The following AGT variants were observed in gnomAD, a reference collection of about 807,000 sequenced individuals.
AGT encodes the protein angiotensinogen, also known as alpha-1 antiproteinase, antitrypsin.
In AGT, 26 loss-of-function variants were observed where a neutral mutation model predicts 28.1. The observed-to-expected ratio is 0.92, with a 90% CI of 0.68 to 1.28. The LOEUF (loss-of-function observed/expected upper bound fraction) is 1.28, where lower values mean the gene tolerates loss of function less well. Ranked by LOEUF, AGT falls within the 50% of genes most tolerant of loss-of-function variation. AGT has a pLI of 0.00. For missense variants in AGT, 596 were observed against 592.3 expected (o/e 1.01, Z -0.06); for synonymous variants, 259 against 259.6 (o/e 1.00, Z 0.02).
At chr1:230,740,823 C>G (rs997380507) in intron 1 of AGT, among the ~76,000 whole-genome samples, 7 of 152,140 alleles carry the variant, frequency 4.6e-5, no homozygotes, top group Non-Finnish European at 1.0e-4. Context: ...GTGGCACACG[C>G]CTGTAGTCCT....
intron 1 of AGT, among the ~76,000 whole-genome samples, chr1:230,743,041 A>T (rs1230459373): frequency 1.3e-5 from 2 of 152,090 alleles, no homozygotes; most frequent in Non-Finnish European, 2.9e-5. Context: ...CCCAGGCTGG[A>T]GTGCCGTGGC....
At chr1:230,706,562 GAC>G (rs1258049021) in intron 2 of AGT, among the ~76,000 whole-genome samples, 3 of 152,188 alleles carry the variant, frequency 2.0e-5, no homozygotes, top group Admixed American at 6.5e-5. Flanking sequence ...GCTGTGGTTT[GAC>G]ACACTCACTT....
chr1:230,712,915 C>T (rs1244970869), intron 1 of AGT, among the ~76,000 whole-genome samples: 1 of 152,186 alleles, frequency 6.6e-6, no homozygotes, highest in Non-Finnish European at 1.5e-5. Flanking sequence ...CCTTCTATGT[C>T]TCCCTACTTC....
intron 1 of AGT, among the ~76,000 whole-genome samples, chr1:230,734,239 C>T (rs7553959): frequency 0.086 from 13,123 of 152,236 alleles, 892 homozygotes; most frequent in East Asian, 0.35. Flanking sequence ...ACATATGCTA[C>T]ATCATGGATG....
chr1:230,722,397 T>G (rs1173403599), intron 1 of AGT, among the ~76,000 whole-genome samples: 3 of 152,244 alleles, frequency 2.0e-5, no homozygotes, highest in Non-Finnish European at 4.4e-5. Flanking sequence ...CACACAGAGT[T>G]GCCATTGGGG....
chr1:230,723,155 C>T (rs1396628908), intron 1 of AGT, among the ~76,000 whole-genome samples: 1 of 152,152 alleles, frequency 6.6e-6, no homozygotes, highest in African/African-American at 2.4e-5. Context: ...CTCCTTCACA[C>T]ACACTTTTCT....
intron 1 of AGT, among the ~76,000 whole-genome samples, chr1:230,742,112 A>T (rs1178066841): frequency 1.3e-5 from 2 of 152,176 alleles, no homozygotes; most frequent in Non-Finnish European, 2.9e-5. Context: ...AAGCTAAAAA[A>T]ATATAAAAGG....
At chr1:230,722,674 C>T (rs1346464952) in intron 1 of AGT, among the ~76,000 whole-genome samples, 1 of 152,226 alleles carries the variant, frequency 6.6e-6, no homozygotes, top group Admixed American at 6.5e-5. Flanking sequence ...TGAATGACTG[C>T]TCCACTGAAT....
chr1:230,731,802 G>C (rs929380516), intron 1 of AGT, among the ~76,000 whole-genome samples: 1 of 152,104 alleles, frequency 6.6e-6, no homozygotes, highest in Non-Finnish European at 1.5e-5. Flanking sequence ...GGGAGGCGGA[G>C]GTTGCAACGA....
chr1:230,710,469 C>G lies in AGT; in HGVS notation c.355G>C (p.Val119Leu), dbSNP rs777960151. 1.2e-6 allele frequency: 2 copies of G among 1,614,082 alleles called. No homozygotes were observed. Among genetic ancestry groups the G allele is most frequent in the Non-Finnish European group, 1.7e-6 (2 of 1,180,042 alleles). Residue 119 changes from valine (V) to leucine (L), a missense_variant, in exon 2 of 5, where the codon GTC becomes CTC. Val to Leu is a conservative substitution (Grantham distance 32). Coordinates refer to ENST00000366667, the MANE Select transcript of AGT (RefSeq NM_001384479.1). Reference protein sequence around the residue: ...YGMHSELWGVVHGATVLSPTA... With the variant: ...YGMHSELWGVLHGATVLSPTA... ...GGGGAGAGGACGGTGGCCCCATGGA[C>G]CACGCCCCATAGCTCACTGTGCATG...
At chr1:230,708,245 T>C (rs1392704344) in intron 2 of AGT, among the ~76,000 whole-genome samples, 3 of 152,180 alleles carry the variant, frequency 2.0e-5, no homozygotes, top group African/African-American at 7.2e-5. Flanking sequence ...CTCCTCTTCC[T>C]CCTGGCCTGG....
chr1:230,712,346 G>A (rs921745161), intron 1 of AGT, among the ~76,000 whole-genome samples: 1 of 152,068 alleles, frequency 6.6e-6, no homozygotes, highest in Non-Finnish European at 1.5e-5. Context: ...AGTACCTGGT[G>A]TGTTTTGTTC....
intron 1 of AGT, among the ~76,000 whole-genome samples, chr1:230,728,649 G>T (rs1354125565): frequency 1.3e-5 from 2 of 152,150 alleles, no homozygotes; most frequent in African/African-American, 2.4e-5. Flanking sequence ...TGAGGTATGG[G>T]TCACCCTTTT....
chr1:230,710,470 C>T lies in AGT; in HGVS notation c.354G>A (p.Val118=). The T allele has an allele frequency of 6.2e-7, 1 of 1,614,218 alleles. No individual in the cohort carries two copies. The highest frequency in any genetic ancestry group is 8.5e-7 in the Non-Finnish European group (1 of 1,180,040). The change falls in exon 2 of 5, where the codon GTG becomes GTA. Residue 118 remains valine (V), a synonymous_variant. Transcript: ENST00000366667. ...IYGMHSELWG[V]VHGATVLSPT... ...GGGAGAGGACGGTGGCCCCATGGAC[C>T]ACGCCCCATAGCTCACTGTGCATGC...
rs1275206480 is a variant in AGT, at chr1:230,703,337, G to A, written c.1243-8C>T. 1 of 1,614,190 alleles carries A rather than the reference G, an allele frequency of 6.2e-7. No individual in the cohort carries two copies. The highest frequency in any genetic ancestry group is 2.2e-5 in the East Asian group (1 of 44,884). On this transcript the variant is annotated splice_region_variant and splice_polypyrimidine_tract_variant and intron_variant, in intron 4 of 4. Transcript: ENST00000366667. The stretch of plus-strand genomic sequence containing the variant: ...AAAAATGCTGTTCAGCACCTGCAAA[G>A]CAGCAGACATCAGGATCATTCTGAG...
upstream of AGT, among the ~76,000 whole-genome samples, chr1:230,718,102 C>T (rs1219993255): frequency 6.6e-6 from 1 of 152,026 alleles, no homozygotes; most frequent in Non-Finnish European, 1.5e-5. Context: ...CCATATCTGG[C>T]TAATTTTTTT....
chr1:230,722,077 G>A (rs903424545), intron 1 of AGT, among the ~76,000 whole-genome samples: 5 of 152,112 alleles, frequency 3.3e-5, no homozygotes, highest in South Asian at 2.1e-4. Context: ...CCTAGGGCCC[G>A]CCTGCTCTGT....
At chr1:230,709,753 G>A (rs1017308172) in intron 2 of AGT, among the ~76,000 whole-genome samples, 1 of 152,200 alleles carries the variant, frequency 6.6e-6, no homozygotes, top group Non-Finnish European at 1.5e-5. Context: ...ATCATAAGGG[G>A]ATTAAATGAT....
In AGT at chr1:230,733,676, A is replaced by G. The variant is rs1664106867; in HGVS notation, c.-31+11839T>C. Reference sequence around the variant, plus strand: ...GAGAACTTGGCAATGAAGTTCATTGAGTTGGGATGAGCTAATCCAATCATA... The same window carrying G: ...GAGAACTTGGCAATGAAGTTCATTGGGTTGGGATGAGCTAATCCAATCATA... On this transcript the variant is annotated intron_variant, in intron 1 of 4. Coordinates refer to the AGT transcript ENST00000681269. Among the ~76,000 whole-genome samples the G allele has an allele frequency of 1.3e-5, 2 of 152,224 alleles. 1 individual carries two copies. Among genetic ancestry groups the G allele is most frequent in the Admixed American group, 1.3e-4 (2 of 15,282 alleles).
Sources: allele counts gnomAD v4.1 joint callset (sites outside exome capture counted in the v4.1 genomes callset), GRCh38; gene constraint gnomAD v4.1.1; transcripts MANE v1.5; gene names NCBI Gene and HGNC (gene_info 2026-07-23, HGNC 2026-07-21).